Variants in IMMP1L observed in about 807,000 individuals in gnomAD.
IMMP1L encodes the protein mitochondrial inner membrane protease subunit 1.
In IMMP1L, 24 loss-of-function variants were observed where a neutral mutation model predicts 21.8. The observed-to-expected ratio is 1.10, with a 90% CI of 0.80 to 1.55. IMMP1L has a LOEUF of 1.55. Ranked by LOEUF, IMMP1L falls within the 40% of genes most tolerant of loss-of-function variation. The pLI, the probability that IMMP1L is intolerant of heterozygous loss-of-function variation, is 0.00. For synonymous variants in IMMP1L, 46 were observed against 62.8 expected, an observed-to-expected ratio of 0.73 and a Z score of 1.26; for missense variants, 195 against 200.7, an observed-to-expected ratio of 0.97 and a Z score of 0.17.
At chr11:31,480,855 A>G (rs1050965161) in intron 1 of IMMP1L, among the ~76,000 whole-genome samples, 1 of 152,128 alleles carries the variant, frequency 6.6e-6, no homozygotes, top group Admixed American at 6.6e-5. Context: ...ATCTCCAGAC[A>G]TCCAAATTCA....
chr11:31,506,105 T>C (rs1955770423), intron 1 of IMMP1L, among the ~76,000 whole-genome samples: 1 of 152,156 alleles, frequency 6.6e-6, no homozygotes, highest in South Asian at 2.1e-4. Flanking sequence ...CTTCCCCAAC[T>C]GTGAACTCAA....
At chr11:31,495,443 C>T (rs750079036) in intron 1 of IMMP1L, among the ~76,000 whole-genome samples, 1 of 152,294 alleles carries the variant, frequency 6.6e-6, no homozygotes, top group Admixed American at 6.5e-5. Context: ...CATTCTCATG[C>T]TAGCCTCAGG....
intron 5 of IMMP1L, 89 bp downstream of exon 5, chr11:31,433,371 C>T: frequency 2.6e-6 from 2 of 758,280 alleles, no homozygotes; most frequent in Non-Finnish European, 4.3e-6. Flanking sequence ...GTTAAGTACA[C>T]TGACAGCTTG....
rs1196379846 is a variant in IMMP1L at position 31,509,611 on chromosome 11, G to A, written c.-122C>T. 3.4e-5 allele frequency: 23 copies of A among 671,034 alleles called. No individual in the cohort carries two copies. Among genetic ancestry groups the A allele is most frequent in the Non-Finnish European group, 5.3e-5 (21 of 399,722 alleles). The allele number at this position is 671,034 out of a possible 1,614,324, so 41.6% of individuals were successfully genotyped here. A position where few individuals can be genotyped will look rare whatever the true frequency, so the allele number is the denominator to read the frequency against. On this transcript the variant is annotated 5_prime_UTR_variant, in exon 1 of 6. Transcript: ENST00000532287. Reference sequence around the variant, plus strand: ...GCCGAAGTCGACCGTCCTTTCGTAGGGCGCACTTTTCAGCAATACGCCTTC... The same window carrying A: ...GCCGAAGTCGACCGTCCTTTCGTAGAGCGCACTTTTCAGCAATACGCCTTC...
chr11:31,461,529 A>T (rs1954138659), intron 2 of IMMP1L, among the ~76,000 whole-genome samples: 1 of 152,178 alleles, frequency 6.6e-6, no homozygotes, highest in Non-Finnish European at 1.5e-5. Flanking sequence ...AAAATCTGAA[A>T]TGTTCTGAGT....
intron 1 of IMMP1L, among the ~76,000 whole-genome samples, chr11:31,470,819 AG>A (rs1954523022): frequency 6.6e-6 from 1 of 152,244 alleles, no homozygotes. Flanking sequence ...CTGTCAAACA[AG>A]GCAACATGTA....
Position 31,460,710 on chromosome 11 carries a change from G to T in IMMP1L, c.110C>A (p.Ser37Tyr). ...FEYVGGVVMCSGPSMEPTIQN... is the reference protein window; with the variant it reads ...FEYVGGVVMCYGPSMEPTIQN... ...AATTGTAGGCTCCATTGATGGTCCA[G>T]AACACTGAAAAGAGAGGTAATTTGT... Residue 37 changes from serine to tyrosine, a missense_variant, in exon 3 of 6, where the codon TCT becomes TAT. By Grantham distance (144) the Ser-to-Tyr change is moderately radical (BLOSUM62 -2). Transcript: ENST00000532287. 1 of 1,592,258 alleles carries T rather than the reference G, an allele frequency of 6.3e-7. No homozygotes were observed. Among genetic ancestry groups the T allele is most frequent in the Non-Finnish European group, 8.6e-7 (1 of 1,162,586 alleles).
intron 3 of IMMP1L, among the ~76,000 whole-genome samples, chr11:31,459,722 G>T (rs1450773186): frequency 6.6e-6 from 1 of 152,040 alleles, no homozygotes; most frequent in Non-Finnish European, 1.5e-5. Flanking sequence ...TCCTGCCTCA[G>T]CCTGCTGTGA....
At chr11:31,502,053 G>A (rs556814011) in intron 1 of IMMP1L, among the ~76,000 whole-genome samples, 41 of 151,824 alleles carry the variant, frequency 2.7e-4, no homozygotes, top group African/African-American at 8.9e-4. Context: ...AAATATCACC[G>A]AAATAGATAT....
At chr11:31,451,320 T>C (rs895800319) in intron 4 of IMMP1L, among the ~76,000 whole-genome samples, 2 of 152,086 alleles carry the variant, frequency 1.3e-5, no homozygotes, top group Non-Finnish European at 2.9e-5. Context: ...AGGGTAGAGA[T>C]GCCAGAAAAT....
intron 1 of IMMP1L, among the ~76,000 whole-genome samples, chr11:31,498,518 C>T (rs776975709): frequency 9.9e-5 from 15 of 152,140 alleles, no homozygotes; most frequent in Non-Finnish European, 2.2e-4. Flanking sequence ...ATTGCTTTCC[C>T]ATCACTTTTT....
intron 4 of IMMP1L, among the ~76,000 whole-genome samples, chr11:31,439,222 G>A (rs925958179): frequency 6.6e-6 from 1 of 151,876 alleles, no homozygotes; most frequent in Non-Finnish European, 1.5e-5. Context: ...ACTATCCTGG[G>A]GCATCCATAG....
intron 4 of IMMP1L, among the ~76,000 whole-genome samples, chr11:31,454,805 T>C (rs913801990): frequency 2.0e-5 from 3 of 152,204 alleles, no homozygotes; most frequent in Non-Finnish European, 4.4e-5. Context: ...ACAACAATGA[T>C]ATGGCATTTA....
chr11:31,471,322 T>C lies in IMMP1L; in HGVS notation c.-29-8017A>G, dbSNP rs949211947. Among the ~76,000 whole-genome samples the C allele has an allele frequency of 2.0e-5, 3 of 152,086 alleles. 1 individual carries two copies. Among genetic ancestry groups the C allele is most frequent in the Non-Finnish European group, 4.4e-5 (3 of 68,008 alleles). On this transcript the variant is annotated intron_variant, in intron 1 of 5. Coordinates refer to ENST00000532287, the MANE Select transcript of IMMP1L (RefSeq NM_001304274.2). ...CAATGAAGGTGTTAACCCGAGGATCTTTCTCCCTCTCCTTCCCTCTGAAGT... is the reference window on the plus strand; with the variant it reads ...CAATGAAGGTGTTAACCCGAGGATCCTTCTCCCTCTCCTTCCCTCTGAAGT...
At chr11:31,495,527 G>A (rs1156610165) in intron 1 of IMMP1L, among the ~76,000 whole-genome samples, 1 of 152,172 alleles carries the variant, frequency 6.6e-6, no homozygotes, top group Non-Finnish European at 1.5e-5. Context: ...GTTCTGCAGG[G>A]CTGGGAAGGC....
Position 31,497,191 on chromosome 11 carries a change from C to T in IMMP1L, c.-30+12328G>A, listed in dbSNP as rs899480996. ...TTAAATTGGGTTTATCAGGACATAA[C>T]TCCATCATAAGTCAAAGAGCATCTG... On this transcript the variant is annotated intron_variant, in intron 1 of 5. Transcript: ENST00000532287. Among the ~76,000 whole-genome samples, 4 of 151,450 alleles carry T rather than the reference C, an allele frequency of 2.6e-5. No individual in the cohort carries two copies. The South Asian group carries it at 6.2e-4, about 24-fold the overall frequency.
intron 1 of IMMP1L, among the ~76,000 whole-genome samples, chr11:31,506,687 C>T (rs1449866539): frequency 2.0e-5 from 3 of 147,898 alleles, no homozygotes; most frequent in South Asian, 2.1e-4. Context: ...GGCGGCTGGG[C>T]GCGGTGGCTC....
At chr11:31,479,090 T>C (rs897613105) in intron 1 of IMMP1L, among the ~76,000 whole-genome samples, 3 of 152,060 alleles carry the variant, frequency 2.0e-5, no homozygotes, top group Admixed American at 6.6e-5. Flanking sequence ...TACACAAACA[T>C]CTGTCCAGAA....
chr11:31,444,588 C>CTT (rs1219601245), intron 4 of IMMP1L, among the ~76,000 whole-genome samples: 8 of 130,402 alleles, frequency 6.1e-5, no homozygotes, highest in African/African-American at 5.6e-5. Context: ...CATTTCTATT[C>CTT]TTTTTTTTTT....
Sources: gnomAD v4.1 joint callset for allele counts (sites outside exome capture counted in the v4.1 genomes callset) on GRCh38, gnomAD v4.1.1 for gene constraint, MANE v1.5 for transcripts, NCBI Gene and HGNC (gene_info 2026-07-23, HGNC 2026-07-21) for gene names.